The following ASS1 variants were observed in gnomAD, a reference collection of about 807,000 sequenced individuals.
ASS1 encodes the protein argininosuccinate synthase.
In ASS1, 58 loss-of-function variants were observed where a neutral mutation model predicts 60.5. The observed-to-expected ratio is 0.96, with a 90% CI of 0.78 to 1.19. The LOEUF (loss-of-function observed/expected upper bound fraction) is 1.19, where lower values mean the gene tolerates loss of function less well. Among genes scored for constraint, ASS1 ranks in the 50% most tolerant of loss-of-function variants. ASS1 has a pLI of 0.00. For synonymous variants in ASS1, 200 were observed against 206.9 expected (o/e 0.97, Z 0.29); for missense variants, 454 against 547.3 (o/e 0.83, Z 1.70).
chr9:130,456,606 C>A (rs1449639779), intron 3 of ASS1, among the ~76,000 whole-genome samples: 1 of 151,996 alleles, frequency 6.6e-6, no homozygotes, highest in Non-Finnish European at 1.5e-5. Context: ...TAATTATAGA[C>A]ACAGGAAGTT....
Position 130,458,551 on chromosome 9 carries a change from G to A in ASS1, c.325G>A (p.Glu109Lys), listed in dbSNP as rs371907747. The A allele has an allele frequency of 6.2e-7, 1 of 1,613,364 alleles. No homozygotes were observed. Among genetic ancestry groups the A allele is most frequent in the Non-Finnish European group, 8.5e-7 (1 of 1,179,890 alleles). ...ARKQVEIAQR[E>K]GAKYVSHGAT... is the part of the protein sequence containing the mutation. ...CAAACAAGTGGAAATCGCCCAGCGG[G>A]AGGGGGCCAAGTATGTGTCCCACGG... Residue 109 changes from glutamate to lysine, a missense_variant, in exon 4 of 15, where the codon GAG becomes AAG. By Grantham distance (56) the Glu-to-Lys change is moderately conservative. Transcript: ENST00000352480.
intron 1 of ASS1, among the ~76,000 whole-genome samples, chr9:130,451,014 G>A (rs1196435348): frequency 1.3e-5 from 2 of 152,228 alleles, no homozygotes; most frequent in African/African-American, 4.8e-5. Flanking sequence ...CCTGCTGCTT[G>A]TTGATCCGAT....
Position 130,477,616 on chromosome 9 carries a change from G to C in ASS1, c.688+655G>C, listed in dbSNP as rs1009311753. Among the ~76,000 whole-genome samples, 5 of 152,214 alleles carry C rather than the reference G, an allele frequency of 3.3e-5. No individual in the cohort carries two copies. The highest frequency in any genetic ancestry group is 1.2e-4 in the African/African-American group (5 of 41,458). The stretch of plus-strand genomic sequence containing the variant: ...TGCCTGGGTGCCTGAGCTTGGGAGA[G>C]GGCATCTCTTGGCCTGGAGGAAGGA... On this transcript the variant is annotated intron_variant, in intron 9 of 14. Coordinates refer to ENST00000352480, the MANE Select transcript of ASS1 (RefSeq NM_054012.4). The surrounding 1 kb of genome is among the most constrained non-coding windows in gnomAD (Gnocchi z 4.2).
At chr9:130,449,674 C>T (rs533608050) in intron 1 of ASS1, among the ~76,000 whole-genome samples, 18 of 152,108 alleles carry the variant, frequency 1.2e-4, no homozygotes, top group Non-Finnish European at 2.5e-4. Flanking sequence ...ACCAGTCAAA[C>T]GAGATGCAGG....
At chr9:130,464,020 C>A in intron 4 of ASS1, 91 bp from the exon 5 acceptor site, 1 of 1,416,402 alleles carries the variant, frequency 7.1e-7, no homozygotes, top group Non-Finnish European at 1.0e-6. Context: ...AGCTCTGTCT[C>A]CGCCACGGGC....
chr9:130,495,352 G>A (rs1200720104), intron 13 of ASS1, among the ~76,000 whole-genome samples: 2 of 151,918 alleles, frequency 1.3e-5, no homozygotes, highest in African/African-American at 4.8e-5. Flanking sequence ...GGAGGCCGAG[G>A]TGGGAAGATT....
Position 130,452,281 on chromosome 9 carries a change from C to G in ASS1, c.53C>G (p.Ser18Trp). The change falls in exon 2 of 15, where the codon TCG becomes TGG. Residue 18 changes from serine to tryptophan, a missense_variant. Coordinates refer to ENST00000352480, the MANE Select transcript of ASS1 (RefSeq NM_054012.4). ...VLAYSGGLDT[S>W]CILVWLKEQG... ...GCCTACAGTGGCGGCCTGGACACCTCGTGCATCCTCGTGTGGCTGAAGGAA... is the reference window on the plus strand; with the variant it reads ...GCCTACAGTGGCGGCCTGGACACCTGGTGCATCCTCGTGTGGCTGAAGGAA... The G allele has an allele frequency of 6.2e-7, 1 of 1,614,150 alleles. No individual in the cohort carries two copies. Among genetic ancestry groups the G allele is most frequent in the African/African-American group, 1.3e-5 (1 of 75,054 alleles).
At chr9:130,465,056 A>T (rs7847222) in intron 5 of ASS1, among the ~76,000 whole-genome samples, 66,396 of 119,758 alleles carry the variant, frequency 0.55, 17,398 homozygotes, top group Middle Eastern at 0.66. Flanking sequence ...ATATATATAT[A>T]TTTTTTTTTT....
In ASS1 at chr9:130,460,410, T is replaced by C. The variant is rs1223658747; in HGVS notation, c.363+1821T>C. Among the ~76,000 whole-genome samples, 7 of 152,278 alleles carry C rather than the reference T, an allele frequency of 4.6e-5. No individual in the cohort carries two copies. In the East Asian group the frequency reaches 1.4e-3, roughly 29 times the overall value. On this transcript the variant is annotated intron_variant, in intron 4 of 14. Transcript: ENST00000352480. ...GCACAGTGCTAACTTCTTGGGCTCA[T>C]TGCGTACCTTCAGAGAGCCCATTTC...
In ASS1 at chr9:130,500,993, G is replaced by A. The variant is rs752612525; in HGVS notation, c.1211G>A (p.Arg404His). 112 of 1,613,584 alleles carry A rather than the reference G, an allele frequency of 6.9e-5. No homozygotes were observed. Among genetic ancestry groups the A allele is most frequent in the Admixed American group, 2.0e-4 (12 of 59,990 alleles). Residue 404 changes from arginine to histidine, a missense_variant, in exon 15 of 15, where the codon CGT (arginine) becomes CAT (histidine). By Grantham distance (29) the Arg-to-His change is conservative (BLOSUM62 0). Coordinates refer to ENST00000352480, the MANE Select transcript of ASS1 (RefSeq NM_054012.4). ...GTTTACAGGCTGAAGGAATATCATCGTCTCCAGAGCAAGGTCACTGCCAAA... is the reference window on the plus strand; with the variant it reads ...GTTTACAGGCTGAAGGAATATCATCATCTCCAGAGCAAGGTCACTGCCAAA... ...INSLRLKEYH[R>H]LQSKVTAK
At chr9:130,446,679 C>A (rs1395744411) in intron 1 of ASS1, among the ~76,000 whole-genome samples, 1 of 152,176 alleles carries the variant, frequency 6.6e-6, no homozygotes, top group Non-Finnish European at 1.5e-5. Context: ...TGGAGCCAGG[C>A]CCAAAACAGC....
chr9:130,466,945 C>T, intron 6 of ASS1, 146 bp downstream of exon 6: 1 of 953,452 alleles, frequency 1.0e-6, no homozygotes, highest in Non-Finnish European at 1.6e-6. Context: ...CAGCTGCCTA[C>T]ACACGTGGCC....
At position 130,477,650 on chromosome 9, in the gene ASS1, C is replaced by A. The variant is rs551400185; in HGVS notation, c.688+689C>A. On this transcript the variant is annotated intron_variant, in intron 9 of 14. Coordinates refer to ENST00000352480, the MANE Select transcript of ASS1 (RefSeq NM_054012.4). The surrounding 1 kb of genome is among the most constrained non-coding windows in gnomAD (Gnocchi z 4.2). ...TTGGCCTGGAGGAAGGATGGAGAAGCGAGGCATGCCCGCCTGGGCTCAGAG... is the reference window on the plus strand; with the variant it reads ...TTGGCCTGGAGGAAGGATGGAGAAGAGAGGCATGCCCGCCTGGGCTCAGAG... Among the ~76,000 whole-genome samples the A allele has an allele frequency of 5.9e-5, 9 of 152,306 alleles. No homozygotes were observed. Among genetic ancestry groups the A allele is most frequent in the Admixed American group, 3.3e-4 (5 of 15,302 alleles).
intron 9 of ASS1, among the ~76,000 whole-genome samples, chr9:130,479,512 T>C (rs1297224690): frequency 1.3e-5 from 2 of 152,150 alleles, no homozygotes; most frequent in African/African-American, 4.8e-5. Context: ...TTGCATTTTC[T>C]CTTTCATTCT....
Position 130,499,504 on chromosome 9 carries a change from GC to G in ASS1, c.1128del (p.Ser376ArgfsTer2). The G allele has an allele frequency of 6.2e-7, 1 of 1,613,514 alleles. No individual in the cohort carries two copies. Among genetic ancestry groups the G allele is most frequent in the Non-Finnish European group, 8.5e-7 (1 of 1,179,796 alleles). On this transcript the variant is annotated frameshift_variant and splice_region_variant, in exon 14 of 15. Coordinates refer to ENST00000352480, the MANE Select transcript of ASS1 (RefSeq NM_054012.4). LOFTEE classifies it high-confidence loss of function. Reference protein sequence around the residue: ...PLSLYNEELVSMNVQGDYEPT... With the variant: ...PLSLYNEELVXMNVQGDYEPT... Reference sequence around the variant, plus strand: ...CTGACAAGCTTCTACTCTCCTTGCAGCATGAACGTGCAGGGTGATTATGAGC... The same window carrying G: ...CTGACAAGCTTCTACTCTCCTTGCAGATGAACGTGCAGGGTGATTATGAGC...
In ASS1 at chr9:130,494,723, C is replaced by A; in HGVS notation, c.971-144C>A. 9.3e-7 allele frequency: 1 copy of A among 1,075,284 alleles called. No individual in the cohort carries two copies. The highest frequency in any genetic ancestry group is 1.4e-6 in the Non-Finnish European group (1 of 720,298). The allele number at this position is 1,075,284 out of a possible 1,614,324, so 66.6% of individuals were successfully genotyped here. ...GGTCCTCAACTCAGCCACTGGCAAG[C>A]GCACATTGTGCCAGTCTCGCGGGAG... On this transcript the variant is annotated intron_variant, in intron 12 of 14. Transcript: ENST00000352480. This position sits in a 1 kb window ranked among gnomAD's most constrained non-coding sequence, Gnocchi z 4.3.
At chr9:130,458,888 G>T (rs1174598473) in intron 4 of ASS1, among the ~76,000 whole-genome samples, 1 of 152,218 alleles carries the variant, frequency 6.6e-6, no homozygotes, top group Non-Finnish European at 1.5e-5. Context: ...GGTCGCATTG[G>T]CCAAGGTCAC....
intron 8 of ASS1, among the ~76,000 whole-genome samples, chr9:130,472,684 C>T (rs367958751): frequency 1.3e-5 from 2 of 152,288 alleles, no homozygotes; most frequent in East Asian, 3.9e-4. Flanking sequence ...GTGGCTGCTG[C>T]CTGCTGGTCA....
chr9:130,463,591 G>A (rs1056076449), intron 4 of ASS1, among the ~76,000 whole-genome samples: 19 of 152,186 alleles, frequency 1.2e-4, no homozygotes, highest in African/African-American at 4.6e-4. Context: ...AAGGCCCTCA[G>A]TGGTCACCTA....
Sources: gnomAD v4.1 joint callset for allele counts (sites outside exome capture counted in the v4.1 genomes callset) on GRCh38, gnomAD v4.1.1 for gene constraint, Gnocchi (gnomAD v3.1) non-coding constraint, MANE v1.5 for transcripts, NCBI Gene and HGNC (gene_info 2026-07-23, HGNC 2026-07-21) for gene names.